Variants in DLGAP1 observed in about 807,000 individuals in gnomAD.
DLGAP1 encodes the protein disks large-associated protein 1.
DLGAP1 carries 11 observed loss-of-function variants against 90.8 expected under a neutral mutation model. The ratio of observed to expected loss-of-function variants is 0.12; its 90% confidence interval spans 0.08 to 0.20. The LOEUF is 0.20. DLGAP1 is among the 10% of genes least tolerant of loss of function. The pLI is 1.00. For synonymous variants in DLGAP1, 558 were observed against 540.7 expected (o/e 1.03, Z -0.44); for missense variants, 1,050 against 1,333.8 (o/e 0.79, Z 3.31).
At chr18:3,682,735 C>T (rs537786954) in intron 7 of DLGAP1, among the ~76,000 whole-genome samples, 6 of 152,294 alleles carry the variant, frequency 3.9e-5, no homozygotes, top group Non-Finnish European at 8.8e-5. Flanking sequence ...GGGGTGTAGG[C>T]ACTGGCCTCT....
intron 7 of DLGAP1, among the ~76,000 whole-genome samples, chr18:3,588,468 A>G (rs1568251662): frequency 6.6e-6 from 1 of 151,028 alleles, no homozygotes; most frequent in East Asian, 1.9e-4. Context: ...TCAAAAAAAA[A>G]AAAAGTTATA....
At chr18:3,703,783 C>T (rs949443718) in intron 7 of DLGAP1, among the ~76,000 whole-genome samples, 12 of 152,174 alleles carry the variant, frequency 7.9e-5, no homozygotes, top group Non-Finnish European at 4.4e-5. Context: ...ACTCCATTTA[C>T]GGTTGACATG....
intron 11 of DLGAP1, among the ~76,000 whole-genome samples, chr18:3,506,547 C>T (rs889020098): frequency 7.1e-6 from 1 of 140,854 alleles, no homozygotes; most frequent in Non-Finnish European, 1.5e-5. Context: ...AGTGGAACTC[C>T]ATGTCAAAAA....
intron 1 of DLGAP1, among the ~76,000 whole-genome samples, chr18:4,355,241 G>T (rs2144029417): frequency 6.6e-6 from 1 of 152,314 alleles, no homozygotes; most frequent in South Asian, 2.1e-4. Context: ...TCCCTGAACA[G>T]GTCCATCCAT....
chr18:3,620,126 G>C (rs2058041984), intron 7 of DLGAP1, among the ~76,000 whole-genome samples: 1 of 152,158 alleles, frequency 6.6e-6, no homozygotes, highest in African/African-American at 2.4e-5. Flanking sequence ...AAATGGAAAA[G>C]TTGTCCTAGA....
chr18:3,562,047 T>G (rs540527273), intron 9 of DLGAP1, among the ~76,000 whole-genome samples: 69 of 146,016 alleles, frequency 4.7e-4, no homozygotes, highest in Non-Finnish European at 8.0e-4. Flanking sequence ...GCCAACATGG[T>G]GAAACCCTGT....
chr18:4,131,397 C>T (rs1310526084), intron 2 of DLGAP1, among the ~76,000 whole-genome samples: 1 of 152,156 alleles, frequency 6.6e-6, no homozygotes, highest in African/African-American at 2.4e-5. Flanking sequence ...CTTTAAAGCA[C>T]AGGTTAGAAA....
intron 1 of DLGAP1, among the ~76,000 whole-genome samples, chr18:4,306,400 A>G (rs2080259645): frequency 6.6e-6 from 1 of 151,326 alleles, no homozygotes; most frequent in South Asian, 2.1e-4. Context: ...TCAGAAGGAT[A>G]TGAGAATAAA....
At chr18:3,958,778 G>C (rs2148979450) in intron 3 of DLGAP1, among the ~76,000 whole-genome samples, 1 of 152,302 alleles carries the variant, frequency 6.6e-6, no homozygotes, top group East Asian at 1.9e-4. Flanking sequence ...GAGCTGATGA[G>C]TAGCCAGTAG....
chr18:4,435,060 T>C (rs950883585), intron 1 of DLGAP1, among the ~76,000 whole-genome samples: 1 of 152,188 alleles, frequency 6.6e-6, no homozygotes, highest in African/African-American at 2.4e-5. Context: ...ATGATTTAAT[T>C]TGGGAACTTA....
At chr18:4,230,035 G>A (rs1183185327) in intron 1 of DLGAP1, among the ~76,000 whole-genome samples, 1 of 152,010 alleles carries the variant, frequency 6.6e-6, no homozygotes, top group Non-Finnish European at 1.5e-5. Flanking sequence ...ATATGAAAAG[G>A]TGGTCACCAT....
At chr18:3,716,366 C>G (rs959508815) in intron 7 of DLGAP1, among the ~76,000 whole-genome samples, 1 of 152,068 alleles carries the variant, frequency 6.6e-6, no homozygotes, top group Non-Finnish European at 1.5e-5. Context: ...GAGACCTTGT[C>G]TCTAGAAAAA....
intron 2 of DLGAP1, among the ~76,000 whole-genome samples, chr18:4,141,080 A>G (rs918131467): frequency 2.0e-5 from 3 of 151,790 alleles, no homozygotes; most frequent in Admixed American, 6.6e-5. Context: ...ACCTTTCTCT[A>G]TGTTTGGGAA....
intron 1 of DLGAP1, among the ~76,000 whole-genome samples, chr18:4,389,564 C>A (rs1453188845): frequency 6.6e-6 from 1 of 152,086 alleles, no homozygotes; most frequent in African/African-American, 2.4e-5. Context: ...ATGGTGACAG[C>A]AAAAACAGAT....
chr18:4,130,251 T>G (rs1236833406), intron 2 of DLGAP1, among the ~76,000 whole-genome samples: 1 of 152,190 alleles, frequency 6.6e-6, no homozygotes, highest in Non-Finnish European at 1.5e-5. Context: ...TTTCCCAAAT[T>G]TTCAGAATGA....
At chr18:4,346,320 T>A (rs2081301858) in intron 1 of DLGAP1, among the ~76,000 whole-genome samples, 1 of 152,108 alleles carries the variant, frequency 6.6e-6, no homozygotes. Context: ...TTTGGACCTA[T>A]CGTATTTAAG....
intron 1 of DLGAP1, among the ~76,000 whole-genome samples, chr18:4,395,635 A>G (rs934610613): frequency 6.6e-6 from 1 of 152,190 alleles, no homozygotes; most frequent in Non-Finnish European, 1.5e-5. Context: ...AAAAGTAAAT[A>G]AACACAATAC....
At chr18:4,061,126 C>G (rs1478834134) in intron 2 of DLGAP1, among the ~76,000 whole-genome samples, 1 of 152,092 alleles carries the variant, frequency 6.6e-6, no homozygotes. Flanking sequence ...ATTAGAATTG[C>G]CTACTTACCA....
At chr18:3,577,620 G>A (rs895322072) in intron 8 of DLGAP1, among the ~76,000 whole-genome samples, 2 of 152,124 alleles carry the variant, frequency 1.3e-5, no homozygotes, top group South Asian at 2.1e-4. Context: ...AAAGAAGGAG[G>A]GTTCATCAGA....
Sources: allele counts gnomAD v4.1 joint callset (sites outside exome capture counted in the v4.1 genomes callset), GRCh38; gene constraint gnomAD v4.1.1; transcripts MANE v1.5; gene names NCBI Gene and HGNC (gene_info 2026-07-23, HGNC 2026-07-21).